LIG3: variants seen among roughly 807,000 people sequenced by gnomAD.
LIG3 encodes the protein ligase II, DNA, ATP-dependent.
In LIG3, 58 loss-of-function variants were observed where a neutral mutation model predicts 110.9. The ratio of observed to expected loss-of-function variants is 0.52; its 90% CI spans 0.42 to 0.65. The LOEUF is 0.65. Among genes scored for constraint, LIG3 ranks in the 30% least tolerant of loss-of-function variants. The pLI, the probability that LIG3 is intolerant of heterozygous loss-of-function variation, is 0.00. For synonymous variants in LIG3, 422 were observed against 472.8 expected (o/e 0.89, Z 1.39); for missense variants, 1,094 against 1,273.8 (o/e 0.86, Z 2.15).
intron 18 of LIG3, 107 bp from the exon 19 acceptor site, chr17:35,002,561 C>G: frequency 8.2e-7 from 1 of 1,221,882 alleles, no homozygotes. Context: ...TGCAGTGGCA[C>G]GACCATAGCT....
At chr17:34,993,804 T>G (rs1404351975) in intron 8 of LIG3, among the ~76,000 whole-genome samples, 1 of 152,158 alleles carries the variant, frequency 6.6e-6, no homozygotes, top group Non-Finnish European at 1.5e-5. Context: ...GGCATGTAAG[T>G]AGGTGCTCCA....
At chr17:35,002,970 C>G (rs2090860328) in intron 19 of LIG3, 181 bp downstream of exon 19, 1 of 1,613,912 alleles carries the variant, frequency 6.2e-7, no homozygotes, top group Admixed American at 1.7e-5. Flanking sequence ...TGCTGCTCAC[C>G]CTATGTCCTC....
chr17:35,009,322 G>T lies in LIG3; in HGVS notation c.*4816G>T, dbSNP rs1270751413. The T allele has an allele frequency of 1.3e-5, 2 of 152,154 alleles. No individual in the cohort carries two copies. Among genetic ancestry groups the T allele is most frequent in the Admixed American group, 6.6e-5 (1 of 15,260 alleles). The allele number at this position is 152,154 out of a possible 1,614,324, so 9.4% of individuals were successfully genotyped here. A position where few individuals can be genotyped will look rare whatever the true frequency, so the allele number is the denominator to read the frequency against. On this transcript the variant is annotated 3_prime_UTR_variant, in exon 20 of 20. Coordinates refer to ENST00000378526, the MANE Select transcript of LIG3 (RefSeq NM_013975.4). Reference sequence around the variant, plus strand: ...TGTACAGCTTATTCTTATTAGTTTGGATCCAACTATTCCAATGTATTATGA... The same window carrying T: ...TGTACAGCTTATTCTTATTAGTTTGTATCCAACTATTCCAATGTATTATGA...
intron 3 of LIG3, among the ~76,000 whole-genome samples, chr17:34,987,105 C>T (rs2090664252): frequency 6.6e-6 from 1 of 152,156 alleles, no homozygotes; most frequent in Non-Finnish European, 1.5e-5. Context: ...CTAAAATACA[C>T]ACATGCACAC....
At chr17:35,000,395 A>AT (rs2142281428) in intron 16 of LIG3, among the ~76,000 whole-genome samples, 1 of 152,182 alleles carries the variant, frequency 6.6e-6, no homozygotes, top group South Asian at 2.1e-4. Flanking sequence ...GGTAGCTGGG[A>AT]TTACAGGCAT....
intron 19 of LIG3, chr17:35,003,212 G>A (rs2090863637): frequency 6.8e-7 from 1 of 1,463,528 alleles, no homozygotes; most frequent in African/African-American, 1.4e-5. Flanking sequence ...CGGGGAGAGG[G>A]CACTGGCTTG....
At chr17:34,999,241 C>G in intron 14 of LIG3, 66 bp from the exon 15 acceptor site, 1 of 1,551,078 alleles carries the variant, frequency 6.4e-7, no homozygotes, top group Non-Finnish European at 8.8e-7. Flanking sequence ...TCTCCCTGGC[C>G]CTGGGCTCTT....
intron 2 of LIG3, among the ~76,000 whole-genome samples, chr17:34,984,958 A>G (rs958756266): frequency 1.3e-5 from 2 of 151,990 alleles, no homozygotes; most frequent in African/African-American, 2.4e-5. Context: ...TTGTGTTTTT[A>G]GTAGAGACAG....
rs545746262 is a variant in LIG3, at chr17:34,982,125, AG to A, written c.-4-875del. On this transcript the variant is annotated intron_variant, in intron 1 of 19. Transcript: ENST00000378526. Reference sequence around the variant, plus strand: ...CCACATTTTACAGATAAGGAAGCTCAGGAACAGAGGTAAGAAACCCATCAAG... The same window carrying A: ...CCACATTTTACAGATAAGGAAGCTCAGAACAGAGGTAAGAAACCCATCAAG... Among the ~76,000 whole-genome samples the A allele has an allele frequency of 3.4e-3, 520 of 152,324 alleles. 3 individuals carry two copies. Among genetic ancestry groups the A allele is most frequent in the African/African-American group, 0.012 (497 of 41,564 alleles).
intron 18 of LIG3, 95 bp downstream of exon 18, chr17:35,002,199 T>C: frequency 9.2e-7 from 1 of 1,083,760 alleles, no homozygotes. Flanking sequence ...AGCCCTGAGA[T>C]CTCATGATTA....
Position 34,983,474 on chromosome 17 carries a change from A to G in LIG3, c.469A>G (p.Ile157Val), listed in dbSNP as rs1444795117. 6.2e-7 allele frequency: 1 copy of G among 1,614,086 alleles called. No homozygotes were observed. Among genetic ancestry groups the G allele is most frequent in the Admixed American group, 1.7e-5 (1 of 59,998 alleles). The part of the protein sequence containing the change: ...LERARATTKK[I>V]EDLTELEGWE... ...GCGGGCCCGGGCCACCACAAAAAAA[A>G]TCGAGGACCTCACAGAGCTGGAAGG... Residue 157 changes from isoleucine (I) to valine (V), a missense_variant, in exon 2 of 20, where the codon ATC becomes GTC. Transcript: ENST00000378526.
At chr17:34,990,419 A>G (rs995729852) in intron 4 of LIG3, among the ~76,000 whole-genome samples, 2 of 152,038 alleles carry the variant, frequency 1.3e-5, no homozygotes, top group Non-Finnish European at 2.9e-5. Flanking sequence ...AGCTGGGACT[A>G]TAGGCATGTG....
At chr17:35,001,887 A>C (rs2090845824) in intron 17 of LIG3, 22 bp from the exon 18 acceptor site, 1 of 1,601,090 alleles carries the variant, frequency 6.2e-7, no homozygotes, top group Admixed American at 1.8e-5. Context: ...AAACCCTCTG[A>C]CATTGTCCCT....
chr17:34,997,926 T>TA, intron 12 of LIG3, 101 bp downstream of exon 12: 1 of 886,180 alleles, frequency 1.1e-6, no homozygotes. Context: ...CTTAATGTCT[T>TA]ATGGAGCCTC....
In LIG3 at chr17:35,005,920, C is replaced by CAGAG; in HGVS notation, c.*1418_*1421dup. The CAGAG allele has an allele frequency of 3.1e-6, 1 of 318,652 alleles. No individual in the cohort carries two copies. The allele number at this position is 318,652 out of a possible 1,614,324, so 19.7% of individuals were successfully genotyped here. A position where few individuals can be genotyped will look rare whatever the true frequency, so the allele number is the denominator to read the frequency against. ...TCGGACTAGAATTTCTTCTTGGTATCAGAGAGACAAGTTTATCACAGTATT... is the reference window on the plus strand; with the variant it reads ...TCGGACTAGAATTTCTTCTTGGTATCAGAGAGAGAGACAAGTTTATCACAGTATT... On this transcript the variant is annotated 3_prime_UTR_variant, in exon 20 of 20. Coordinates refer to ENST00000378526, the MANE Select transcript of LIG3 (RefSeq NM_013975.4).
rs1453465526 is a variant in LIG3, at chr17:35,006,950, A to T, written c.*2444A>T. 1 of 152,316 alleles carries T rather than the reference A, an allele frequency of 6.6e-6. No homozygotes were observed. Among genetic ancestry groups the T allele is most frequent in the Non-Finnish European group, 1.5e-5 (1 of 68,128 alleles). The allele number at this position is 152,316 out of a possible 1,614,324, so 9.4% of individuals were successfully genotyped here. A position where few individuals can be genotyped will look rare whatever the true frequency, so the allele number is the denominator to read the frequency against. On this transcript the variant is annotated 3_prime_UTR_variant, in exon 20 of 20. Coordinates refer to ENST00000378526, the MANE Select transcript of LIG3 (RefSeq NM_013975.4). ...CCCAGGACATTTGGTGTTTTTGAAT[A>T]GGCACCATTCAGCCTTGCTTCAGTA... is the stretch of plus-strand genomic sequence containing the variant.
Position 35,005,464 on chromosome 17 carries a change from C to A in LIG3, c.*958C>A, listed in dbSNP as rs545826950. 8.9e-6 allele frequency: 5 copies of A among 561,072 alleles called. No individual in the cohort carries two copies. The highest frequency in any genetic ancestry group is 6.9e-5 in the South Asian group (5 of 72,730). The allele number at this position is 561,072 out of a possible 1,614,324, so 34.8% of individuals were successfully genotyped here. A position where few individuals can be genotyped will look rare whatever the true frequency, so the allele number is the denominator to read the frequency against. ...GAATAATTATATGATATTGTTGAAC[C>A]CCCAAGTATTGGCTGATGAACGTGG... On this transcript the variant is annotated 3_prime_UTR_variant, in exon 20 of 20. Coordinates refer to ENST00000378526, the MANE Select transcript of LIG3 (RefSeq NM_013975.4).
In LIG3 at chr17:35,002,116, G is replaced by A. The variant is rs1298774321; in HGVS notation, c.2674+12G>A. 2 of 1,556,010 alleles carry A rather than the reference G, an allele frequency of 1.3e-6. No homozygotes were observed. The highest frequency in any genetic ancestry group is 1.7e-6 in the Non-Finnish European group (2 of 1,151,980). ...CAACAGCAAAGATGGTAAGGATAGGGAGGGGGCTGGTATGGTGAAGAGGGC... is the reference window on the plus strand; with the variant it reads ...CAACAGCAAAGATGGTAAGGATAGGAAGGGGGCTGGTATGGTGAAGAGGGC... On this transcript the variant is annotated intron_variant, in intron 18 of 19. Coordinates refer to ENST00000378526, the MANE Select transcript of LIG3 (RefSeq NM_013975.4).
chr17:34,995,989 C>G, intron 9 of LIG3, 75 bp from the exon 10 acceptor site: 1 of 1,551,266 alleles, frequency 6.4e-7, no homozygotes, highest in South Asian at 1.2e-5. Context: ...TGGGCCCGGG[C>G]TTTGCCCTCC....
Sources: allele counts gnomAD v4.1 joint callset (sites outside exome capture counted in the v4.1 genomes callset), GRCh38; gene constraint gnomAD v4.1.1; transcripts MANE v1.5; gene names NCBI Gene and HGNC (gene_info 2026-07-23, HGNC 2026-07-21).